The following RNLS variants were observed in gnomAD, a reference collection of about 807,000 sequenced individuals.
RNLS encodes renalase, FAD dependent amine oxidase.
A neutral mutation model predicts 39.8 loss-of-function variants in RNLS; 39 were observed. The ratio of observed to expected loss-of-function variants is 0.98; its 90% CI spans 0.76 to 1.28. The LOEUF (loss-of-function observed/expected upper bound fraction) is 1.28. RNLS is among the 50% of genes most tolerant of loss of function. The probability of loss-of-function intolerance (pLI) is 0.00; values close to 1 mark genes in which losing one functional copy is unlikely to be tolerated. For missense variants in RNLS, 410 were observed against 413.3 expected (o/e 0.99, Z 0.07); for synonymous variants, 147 against 150.7 (o/e 0.98, Z 0.18).
intron 4 of RNLS, among the ~76,000 whole-genome samples, chr10:88,502,413 C>T (rs915907603): frequency 6.6e-6 from 1 of 152,000 alleles, no homozygotes; most frequent in Non-Finnish European, 1.5e-5. Flanking sequence ...AAGAGCATGG[C>T]TTCCCAGGTT....
the RNLS span, among the ~76,000 whole-genome samples, chr10:88,262,620 TATG>T: frequency 6.6e-6 from 1 of 152,208 alleles, no homozygotes; most frequent in South Asian, 2.1e-4. Context: ...GTATAATACC[TATG>T]ATAAGTGTGT....
the RNLS span, among the ~76,000 whole-genome samples, chr10:88,176,374 C>G: frequency 6.6e-6 from 1 of 152,106 alleles, no homozygotes; most frequent in Non-Finnish European, 1.5e-5. Context: ...TGGGGTTTCA[C>G]CATTTTGGCC....
Position 88,465,502 on chromosome 10 carries a change from A to C in RNLS, c.527-102777T>G, listed in dbSNP as rs147316999. On this transcript the variant is annotated intron_variant, in intron 4 of 6. Coordinates refer to ENST00000331772, the MANE Select transcript of RNLS (RefSeq NM_001031709.3). ...TGTGGCTCAAGCTATGTGCAGTGCC[A>C]GTAAAAAGAGTGAGGAGAGAGGCAA... is the stretch of plus-strand genomic sequence containing the variant. 3.2e-3 allele frequency among the ~76,000 whole-genome samples: 494 copies of C among 152,224 alleles called. 4 individuals are homozygous for C. The highest frequency in any genetic ancestry group is 0.011 in the African/African-American group (472 of 41,558).
chr10:88,311,973 C>T (rs1425945837), intron 6 of RNLS, among the ~76,000 whole-genome samples: 3 of 152,132 alleles, frequency 2.0e-5, no homozygotes, highest in African/African-American at 7.2e-5. Context: ...ATGCTCTCTC[C>T]AGAGGTTTTA....
intron 4 of RNLS, among the ~76,000 whole-genome samples, chr10:88,509,812 T>C (rs1846004647): frequency 1.3e-5 from 2 of 152,116 alleles, no homozygotes; most frequent in African/African-American, 4.8e-5. Context: ...CTATGATTAT[T>C]AAATACCAAA....
At chr10:88,216,454 T>C in the RNLS span, among the ~76,000 whole-genome samples, 1 of 152,244 alleles carries the variant, frequency 6.6e-6, no homozygotes, top group Non-Finnish European at 1.5e-5. Context: ...TTTTAAGTAA[T>C]ATAATGACCT....
chr10:88,512,286 C>A (rs1021946638), intron 4 of RNLS, among the ~76,000 whole-genome samples: 2 of 152,084 alleles, frequency 1.3e-5, no homozygotes, highest in Admixed American at 1.3e-4. Flanking sequence ...AGAAATAAGT[C>A]CTCTTTGGAC....
chr10:88,295,492 G>A (rs981034302), intron 6 of RNLS, among the ~76,000 whole-genome samples: 3 of 152,070 alleles, frequency 2.0e-5, no homozygotes, highest in East Asian at 1.9e-4. Context: ...TATATTTAAC[G>A]GTGATTTCAT....
the RNLS span, among the ~76,000 whole-genome samples, chr10:88,199,464 C>T: frequency 1.8e-3 from 269 of 152,238 alleles, 2 homozygotes; most frequent in African/African-American, 6.0e-3. Flanking sequence ...TTGTAACAAC[C>T]AAAAATGTCT....
chr10:88,255,603 A>T, the RNLS span, among the ~76,000 whole-genome samples: 2 of 152,182 alleles, frequency 1.3e-5, no homozygotes, highest in African/African-American at 4.8e-5. Flanking sequence ...CAATCAACCT[A>T]AGTAAAGCAA....
chr10:88,292,190 G>T (rs570760254), intron 6 of RNLS, among the ~76,000 whole-genome samples: 2 of 151,048 alleles, frequency 1.3e-5, no homozygotes, highest in Non-Finnish European at 2.9e-5. Flanking sequence ...GGGTCTTGGA[G>T]GACAGTTGCT....
the RNLS span, among the ~76,000 whole-genome samples, chr10:88,221,778 C>T: frequency 6.6e-6 from 1 of 152,130 alleles, no homozygotes; most frequent in Admixed American, 6.5e-5. Context: ...ATTCTCCACT[C>T]CTGAGCCCAT....
At chr10:88,311,357 CA>C (rs1845368610) in intron 6 of RNLS, among the ~76,000 whole-genome samples, 1 of 152,146 alleles carries the variant, frequency 6.6e-6, no homozygotes, top group South Asian at 2.1e-4. Flanking sequence ...ATACTTGTTA[CA>C]GAAACCTTAA....
the RNLS span, among the ~76,000 whole-genome samples, chr10:88,193,074 G>A: frequency 5.6e-3 from 853 of 152,210 alleles, 9 homozygotes; most frequent in African/African-American, 0.019. Flanking sequence ...TGAGAGCCAG[G>A]AGCCTGGAAA....
At chr10:88,223,768 C>T in the RNLS span, among the ~76,000 whole-genome samples, 1 of 152,282 alleles carries the variant, frequency 6.6e-6, no homozygotes, top group South Asian at 2.1e-4. Context: ...ATCACAGTTG[C>T]ACCTCTACCG....
At chr10:88,224,230 G>A in the RNLS span, among the ~76,000 whole-genome samples, 138 of 152,290 alleles carry the variant, frequency 9.1e-4, no homozygotes, top group African/African-American at 3.1e-3. Context: ...TGTCTGGTGA[G>A]GGCTCTCTGC....
intron 4 of RNLS, among the ~76,000 whole-genome samples, chr10:88,411,722 T>A (rs1447367560): frequency 6.6e-6 from 1 of 152,142 alleles, no homozygotes; most frequent in South Asian, 2.1e-4. Flanking sequence ...GGTTAAAACA[T>A]AATGTATGCA....
At chr10:88,509,831 C>T (rs552427260) in intron 4 of RNLS, among the ~76,000 whole-genome samples, 6 of 152,170 alleles carry the variant, frequency 3.9e-5, no homozygotes, top group African/African-American at 1.4e-4. Flanking sequence ...AAATAAGATA[C>T]CAATTGGTCA....
chr10:88,580,939 C>T (rs968502691), intron 3 of RNLS, among the ~76,000 whole-genome samples: 1 of 152,052 alleles, frequency 6.6e-6, no homozygotes, highest in East Asian at 1.9e-4. Context: ...ATGCAAATAT[C>T]GTTTGACATA....
Sources: gnomAD v4.1 joint callset for allele counts (sites outside exome capture counted in the v4.1 genomes callset) on GRCh38, gnomAD v4.1.1 for gene constraint, MANE v1.5 for transcripts, NCBI Gene and HGNC (gene_info 2026-07-23, HGNC 2026-07-21) for gene names.